The following ITGA2 variants were observed in gnomAD, a reference collection of about 807,000 sequenced individuals.
ITGA2 encodes the protein integrin subunit alpha 2, also known as integrin alpha-2.
Under a neutral mutation model 146.3 loss-of-function variants are expected in ITGA2, and 101 were observed. That is an observed-to-expected ratio of 0.69 (90% CI 0.59 to 0.81). The LOEUF (loss-of-function observed/expected upper bound fraction) is 0.81. Among genes scored for constraint, ITGA2 ranks in the 40% least tolerant of loss-of-function variants. The pLI is 0.00. For synonymous variants in ITGA2, 477 were observed against 487.1 expected (o/e 0.98, Z 0.27); for missense variants, 1,281 against 1,402.7 (o/e 0.91, Z 1.39).
At chr5:53,010,604 G>C (rs1742076586) in intron 1 of ITGA2, among the ~76,000 whole-genome samples, 1 of 152,118 alleles carries the variant, frequency 6.6e-6, no homozygotes, top group Non-Finnish European at 1.5e-5. Context: ...GATGAGATTT[G>C]GGACTTTTGA....
At chr5:53,042,280 C>T in intron 3 of ITGA2, 59 bp downstream of exon 3, 1 of 1,046,924 alleles carries the variant, frequency 9.6e-7, no homozygotes, top group South Asian at 1.3e-5. Context: ...TGAAAAATAA[C>T]ATCAGAACAA....
chr5:53,012,385 A>G (rs1378249086), intron 1 of ITGA2, among the ~76,000 whole-genome samples: 1 of 152,218 alleles, frequency 6.6e-6, no homozygotes, highest in Admixed American at 6.5e-5. Flanking sequence ...ATAACATTAA[A>G]AAAATTAATT....
In ITGA2 at chr5:53,057,586, A is replaced by G. The variant is rs541248722; in HGVS notation, c.1097-439A>G. ...ACAGATCAATTGCCCAGCCCTTCCA[A>G]CTGCATCTGAGATATGTGTACATTA... On this transcript the variant is annotated intron_variant, in intron 9 of 29. Coordinates refer to ENST00000296585, the MANE Select transcript of ITGA2 (RefSeq NM_002203.4). Among the ~76,000 whole-genome samples the G allele has an allele frequency of 1.3e-4, 20 of 152,028 alleles. 1 individual carries two copies. Among genetic ancestry groups the G allele is most frequent in the African/African-American group, 4.8e-4 (20 of 41,518 alleles).
chr5:53,064,772 T>A, intron 13 of ITGA2, 140 bp from the exon 14 acceptor site: 1 of 784,086 alleles, frequency 1.3e-6, no homozygotes, highest in South Asian at 1.4e-5. Context: ...CTCAAATACC[T>A]GGCTTCAAGT....
chr5:53,012,837 T>C (rs1264785372), intron 1 of ITGA2, among the ~76,000 whole-genome samples: 1 of 152,200 alleles, frequency 6.6e-6, no homozygotes, highest in African/African-American at 2.4e-5. Context: ...GACTTGTATT[T>C]CTCTAAAGAT....
chr5:53,017,253 T>G (rs550702623), intron 1 of ITGA2, among the ~76,000 whole-genome samples: 107 of 152,314 alleles, frequency 7.0e-4, no homozygotes, highest in South Asian at 1.9e-3. Context: ...ACTTTTTGGA[T>G]GGGTTGTTTT....
chr5:53,072,073 A>G (rs1465001298), intron 18 of ITGA2, 25 bp downstream of exon 18: 1 of 1,490,550 alleles, frequency 6.7e-7, no homozygotes, highest in Non-Finnish European at 9.4e-7. Context: ...CACTTCCTGG[A>G]TTTAGACTGG....
rs139656906 is a variant in ITGA2 at position 53,009,643 on chromosome 5, G to T, written c.65-17105G>T. ...CACTTGATGATCTGGCAAATTCTCA[G>T]CCTATCTAGATTGATTATATATTTT... On this transcript the variant is annotated intron_variant, in intron 1 of 29. Coordinates refer to ENST00000296585, the MANE Select transcript of ITGA2 (RefSeq NM_002203.4). 9.5e-4 allele frequency among the ~76,000 whole-genome samples: 145 copies of T among 152,218 alleles called. 2 individuals carry two copies. In the East Asian group the frequency reaches 0.022, roughly 23 times the overall value.
At chr5:53,077,424 C>T (rs1745712098) in intron 23 of ITGA2, among the ~76,000 whole-genome samples, 1 of 151,992 alleles carries the variant, frequency 6.6e-6, no homozygotes, top group African/African-American at 2.4e-5. Context: ...AGTATTATTT[C>T]TGAAGCAGGA....
chr5:53,031,424 C>T (rs1031412915), intron 2 of ITGA2, among the ~76,000 whole-genome samples: 3 of 152,184 alleles, frequency 2.0e-5, no homozygotes, highest in Non-Finnish European at 4.4e-5. Flanking sequence ...TAAGTCCTGA[C>T]TTCACTCCTT....
chr5:53,033,130 G>A (rs3776789), intron 2 of ITGA2, among the ~76,000 whole-genome samples: 39,445 of 151,824 alleles, frequency 0.26, 5,722 homozygotes, highest in South Asian at 0.33. Flanking sequence ...TTAGCAGGGC[G>A]TGGTGGCAGG....
intron 2 of ITGA2, among the ~76,000 whole-genome samples, chr5:53,037,873 G>C (rs1743564663): frequency 6.6e-6 from 1 of 152,198 alleles, no homozygotes; most frequent in Non-Finnish European, 1.5e-5. Context: ...AAGAGTTTAA[G>C]ATAGCATAAT....
rs1745154099 is a variant in ITGA2 at position 53,066,554 on chromosome 5, A to G, written c.1944-564A>G. On this transcript the variant is annotated intron_variant, in intron 15 of 29. Coordinates refer to ENST00000296585, the MANE Select transcript of ITGA2 (RefSeq NM_002203.4). ...GAATAGAATCAGAAAGAAGTTGTTT[A>G]TTCAATCAAGAATCTCCATTCATTT... is the stretch of plus-strand genomic sequence containing the variant. Among the ~76,000 whole-genome samples the G allele has an allele frequency of 1.3e-5, 2 of 151,914 alleles. 1 individual carries two copies. The highest frequency in any genetic ancestry group is 4.1e-4 in the South Asian group (2 of 4,830).
chr5:53,013,316 G>T (rs1742234340), intron 1 of ITGA2, among the ~76,000 whole-genome samples: 1 of 151,232 alleles, frequency 6.6e-6, no homozygotes, highest in Admixed American at 6.6e-5. Flanking sequence ...TTCTGCCTGT[G>T]ACTAGCCAGT....
chr5:53,004,894 GT>G lies in ITGA2; in HGVS notation c.64+15401del, dbSNP rs548541753. ...TACAACTTCTAAGTTTAGTTGCTTT[GT>G]TTTTTTTTTTTTTTTTTTTTTTTTT... On this transcript the variant is annotated intron_variant, in intron 1 of 29. Coordinates refer to ENST00000296585, the MANE Select transcript of ITGA2 (RefSeq NM_002203.4). Among the ~76,000 whole-genome samples, 45 of 55,938 alleles carry G rather than the reference GT, an allele frequency of 8.0e-4. 1 individual carries two copies. The highest frequency in any genetic ancestry group is 2.8e-3 in the African/African-American group (30 of 10,802). 36.7% of individuals were successfully genotyped at this position (55,938 alleles called of 152,430 possible).
rs374363224 is a variant in ITGA2, at chr5:53,065,122, C to T, written c.1806+7C>T. ...CCGCACAAAGTATTCCCAGGTAATC[C>T]ATGAGCTGTTATGGTGATGTATGTA... On this transcript the variant is annotated splice_region_variant and intron_variant, in intron 14 of 29. Coordinates refer to ENST00000296585, the MANE Select transcript of ITGA2 (RefSeq NM_002203.4). The T allele has an allele frequency of 6.2e-7, 1 of 1,611,282 alleles. No individual in the cohort carries two copies. The highest frequency in any genetic ancestry group is 1.3e-5 in the African/African-American group (1 of 74,744).
At chr5:53,031,632 A>C (rs1328019104) in intron 2 of ITGA2, among the ~76,000 whole-genome samples, 2 of 152,226 alleles carry the variant, frequency 1.3e-5, no homozygotes, top group African/African-American at 2.4e-5. Context: ...CTTTCATTGC[A>C]CTATGAACTT....
intron 1 of ITGA2, among the ~76,000 whole-genome samples, chr5:53,023,097 T>C (rs953707129): frequency 5.3e-5 from 8 of 152,248 alleles, no homozygotes; most frequent in Admixed American, 5.2e-4. Flanking sequence ...GATGCTATTA[T>C]TGCCTTTCCA....
chr5:53,072,393 C>T (rs759022508), intron 18 of ITGA2, among the ~76,000 whole-genome samples: 7 of 150,612 alleles, frequency 4.6e-5, no homozygotes, highest in Admixed American at 1.3e-4. Context: ...TAGCTGTCCC[C>T]GCCATAGACA....
Sources: allele counts gnomAD v4.1 joint callset (sites outside exome capture counted in the v4.1 genomes callset), GRCh38; gene constraint gnomAD v4.1.1; transcripts MANE v1.5; gene names NCBI Gene and HGNC (gene_info 2026-07-23, HGNC 2026-07-21).